Variants in ME3 observed in about 807,000 individuals in gnomAD.
The protein encoded by ME3 is malic enzyme 3, also known as NADP-dependent malic enzyme, mitochondrial.
ME3 carries 48 observed loss-of-function variants against 68.9 expected under a neutral mutation model. The ratio of observed to expected loss-of-function variants is 0.70; its 90% CI spans 0.55 to 0.89. ME3 has a LOEUF of 0.89. Ranked by LOEUF, ME3 falls within the 40% of genes least tolerant of loss-of-function variation. The probability of loss-of-function intolerance (pLI) is 0.00; values close to 1 mark genes in which losing one functional copy is unlikely to be tolerated. For synonymous variants in ME3, 320 were observed against 318.8 expected, an observed-to-expected ratio of 1.00 and a Z score of -0.04; for missense variants, 675 against 797.4, an observed-to-expected ratio of 0.85 and a Z score of 1.85.
chr11:86,584,316 C>CA (rs1451146546), intron 2 of ME3, among the ~76,000 whole-genome samples: 1 of 152,050 alleles, frequency 6.6e-6, no homozygotes, highest in African/African-American at 2.4e-5. Flanking sequence ...CAAAAGGTAA[C>CA]AAGTATTGGT....
intron 4 of ME3, among the ~76,000 whole-genome samples, chr11:86,536,273 A>G (rs1009615101): frequency 1.3e-5 from 2 of 151,408 alleles, no homozygotes; most frequent in Admixed American, 6.6e-5. Flanking sequence ...ACAAAAGACA[A>G]AATTGACAAA....
intron 5 of ME3, among the ~76,000 whole-genome samples, chr11:86,504,333 A>T (rs1045734719): frequency 3.3e-5 from 5 of 150,774 alleles, no homozygotes; most frequent in Admixed American, 2.0e-4. Context: ...ACCTCAGACA[A>T]GTCACTTAAC....
At chr11:86,441,674 T>C (rs1216022954) in intron 14 of ME3, among the ~76,000 whole-genome samples, 1 of 152,208 alleles carries the variant, frequency 6.6e-6, no homozygotes, top group Non-Finnish European at 1.5e-5. Flanking sequence ...TCAGCATAAA[T>C]TCTGCCTGCT....
exon 13 of ME3, chr11:86,446,434 A>G (rs762548479): frequency 3.1e-6 from 5 of 1,614,120 alleles, no homozygotes; most frequent in African/African-American, 2.7e-5. Flanking sequence ...AGGTCTTGCC[A>G]TCTTCCAGAG....
chr11:86,543,573 G>A (rs1956178056), intron 4 of ME3, among the ~76,000 whole-genome samples: 1 of 152,186 alleles, frequency 6.6e-6, no homozygotes, highest in South Asian at 2.1e-4. Flanking sequence ...TTACATAATG[G>A]TAAAGGGAAT....
intron 8 of ME3, chr11:86,457,749 G>C (rs1390901203): frequency 2.3e-6 from 3 of 1,286,300 alleles, no homozygotes; most frequent in African/African-American, 3.0e-5. Context: ...TGAAAGTGTG[G>C]CAGGTTGTTC....
At chr11:86,446,283 C>T in intron 13 of ME3, 31 bp downstream of exon 13, 1 of 1,611,402 alleles carries the variant, frequency 6.2e-7, no homozygotes, top group African/African-American at 1.3e-5. Flanking sequence ...GACCCTACTG[C>T]AAGCATTTGA....
intron 2 of ME3, among the ~76,000 whole-genome samples, chr11:86,634,721 G>A (rs1331065266): frequency 1.3e-5 from 2 of 152,010 alleles, no homozygotes; most frequent in African/African-American, 2.4e-5. Flanking sequence ...GTTTCATTCT[G>A]AAAATAAAAC....
At position 86,633,101 on chromosome 11, in the gene ME3, T is replaced by C. The variant is rs188275686; in HGVS notation, c.183+38661A>G. On this transcript the variant is annotated intron_variant, in intron 2 of 14. Coordinates refer to ENST00000543262, the Ensembl canonical transcript of ME3. Reference sequence around the variant, plus strand: ...ATGACCACTGAGTCACCATCCAGCATTGTGTGGCCAGGCTGAGGATTTGGT... The same window carrying C: ...ATGACCACTGAGTCACCATCCAGCACTGTGTGGCCAGGCTGAGGATTTGGT... Among the ~76,000 whole-genome samples the C allele has an allele frequency of 5.9e-5, 9 of 152,282 alleles. No individual in the cohort carries two copies. In the East Asian group the frequency reaches 1.2e-3, roughly 20 times the overall value.
At chr11:86,523,722 G>A (rs929271328) in intron 4 of ME3, among the ~76,000 whole-genome samples, 6 of 152,028 alleles carry the variant, frequency 3.9e-5, no homozygotes, top group Non-Finnish European at 8.8e-5. Flanking sequence ...AAAATCGTGA[G>A]TACATGGAAA....
chr11:86,655,909 A>G (rs1183918418), intron 2 of ME3, among the ~76,000 whole-genome samples: 1 of 152,032 alleles, frequency 6.6e-6, no homozygotes, highest in Admixed American at 6.5e-5. Context: ...CAAGAAAAAA[A>G]CAAACAACCC....
At chr11:86,660,899 A>G (rs1308505000) in intron 2 of ME3, among the ~76,000 whole-genome samples, 2 of 151,128 alleles carry the variant, frequency 1.3e-5, no homozygotes, top group African/African-American at 4.9e-5. Flanking sequence ...GTGGCTTTCA[A>G]AATTCTCCAG....
chr11:86,538,780 A>G (rs998841226), intron 4 of ME3, among the ~76,000 whole-genome samples: 21 of 152,138 alleles, frequency 1.4e-4, no homozygotes, highest in Non-Finnish European at 2.6e-4. Context: ...TGGAAAGTGC[A>G]TCATGATCCC....
chr11:86,583,813 G>GA (rs1958577882), intron 2 of ME3, among the ~76,000 whole-genome samples: 1 of 151,904 alleles, frequency 6.6e-6, no homozygotes, highest in South Asian at 2.1e-4. Flanking sequence ...ATCTTATATT[G>GA]AAAAATGGAT....
At chr11:86,650,121 T>C (rs1423950025) in intron 2 of ME3, among the ~76,000 whole-genome samples, 1 of 152,138 alleles carries the variant, frequency 6.6e-6, no homozygotes, top group East Asian at 1.9e-4. Context: ...TATAGACTAA[T>C]GGAACAGAAC....
chr11:86,470,495 A>G (rs926091888), intron 7 of ME3, among the ~76,000 whole-genome samples: 9 of 152,148 alleles, frequency 5.9e-5, no homozygotes, highest in African/African-American at 2.2e-4. Flanking sequence ...ATGGTCTTAG[A>G]GAGAGGTTCT....
intron 4 of ME3, among the ~76,000 whole-genome samples, chr11:86,554,494 A>G (rs1956837653): frequency 6.6e-6 from 1 of 152,272 alleles, no homozygotes; most frequent in Non-Finnish European, 1.5e-5. Context: ...ATGCATATGT[A>G]TAATATGATT....
intron 4 of ME3, among the ~76,000 whole-genome samples, chr11:86,517,728 A>C (rs1181502976): frequency 6.6e-6 from 1 of 152,204 alleles, no homozygotes; most frequent in African/African-American, 2.4e-5. Context: ...AGGAAATTAT[A>C]TCTCTGATGC....
At chr11:86,443,295 C>T (rs941506216) in intron 13 of ME3, among the ~76,000 whole-genome samples, 1 of 152,236 alleles carries the variant, frequency 6.6e-6, no homozygotes, top group African/African-American at 2.4e-5. Context: ...CTTCCACGTG[C>T]TTGGTACCAT....
Sources: allele counts gnomAD v4.1 joint callset (sites outside exome capture counted in the v4.1 genomes callset), GRCh38; gene constraint gnomAD v4.1.1; transcripts MANE v1.5; gene names NCBI Gene and HGNC (gene_info 2026-07-23, HGNC 2026-07-21).